The following UST variants were observed in gnomAD, a reference collection of about 807,000 sequenced individuals.
The protein encoded by UST is chondroitin sulfate 2-O-sulfotransferase.
In UST, 21 loss-of-function variants were observed where a neutral mutation model predicts 45.6. The ratio of observed to expected loss-of-function variants is 0.46; its 90% CI spans 0.33 to 0.66. The LOEUF (loss-of-function observed/expected upper bound fraction) is 0.66, where lower values mean the gene tolerates loss of function less well. Among genes scored for constraint, UST ranks in the 30% least tolerant of loss-of-function variants. The pLI is 0.02. For missense variants in UST, 463 were observed against 512.4 expected (o/e 0.90, Z 0.93); for synonymous variants, 215 against 200.6 (o/e 1.07, Z -0.61).
chr6:148,760,849 T>A (rs954250605), intron 1 of UST, among the ~76,000 whole-genome samples: 1 of 151,636 alleles, frequency 6.6e-6, no homozygotes, highest in Non-Finnish European at 1.5e-5. Flanking sequence ...ATGGGCAGAG[T>A]ACAGGAGCAG....
At chr6:148,763,192 C>A (rs1776253216) in intron 1 of UST, among the ~76,000 whole-genome samples, 1 of 152,210 alleles carries the variant, frequency 6.6e-6, no homozygotes, top group Non-Finnish European at 1.5e-5. Context: ...TAATACTAGT[C>A]ATTCTGACTG....
intron 2 of UST, among the ~76,000 whole-genome samples, chr6:148,940,075 A>C (rs1337710537): frequency 6.6e-6 from 1 of 152,218 alleles, no homozygotes; most frequent in Non-Finnish European, 1.5e-5. Flanking sequence ...AAAATATACA[A>C]ATGGCCAATA....
chr6:148,816,504 C>T (rs1241061600), intron 1 of UST, among the ~76,000 whole-genome samples: 1 of 152,132 alleles, frequency 6.6e-6, no homozygotes, highest in Non-Finnish European at 1.5e-5. Context: ...TCTACAAAGC[C>T]TAATGTGTAA....
rs1156828895 is a variant in UST, at chr6:148,941,443, A to T, written c.447+9A>T. Reference sequence around the variant, plus strand: ...TTACTAAAAATGAACAAGTAAGTTGACTTTGCACATTGTTAAATTGTGTTT... The same window carrying T: ...TTACTAAAAATGAACAAGTAAGTTGTCTTTGCACATTGTTAAATTGTGTTT... On this transcript the variant is annotated intron_variant, in intron 3 of 7. Transcript: ENST00000367463. The T allele has an allele frequency of 6.3e-7, 1 of 1,586,200 alleles. No individual in the cohort carries two copies.
chr6:149,017,799 T>TATATATATATATATATATACAC (rs956279478), intron 5 of UST, among the ~76,000 whole-genome samples: 1 of 148,810 alleles, frequency 6.7e-6, no homozygotes, highest in African/African-American at 2.5e-5. Context: ...TATCCATATA[T>TATATATATATATATATATACAC]ACACACACAC....
chr6:148,775,182 TA>T (rs1175340245), intron 1 of UST, among the ~76,000 whole-genome samples: 3 of 152,164 alleles, frequency 2.0e-5, no homozygotes, highest in Non-Finnish European at 4.4e-5. Context: ...CTGAGGTAAC[TA>T]GTATTCTTGG....
At chr6:149,016,157 C>T (rs1283528786) in intron 5 of UST, among the ~76,000 whole-genome samples, 1 of 152,202 alleles carries the variant, frequency 6.6e-6, no homozygotes. Context: ...GTTCATCAAC[C>T]TAATGGGCTC....
At chr6:149,026,768 C>T (rs535271400) in intron 7 of UST, among the ~76,000 whole-genome samples, 1 of 152,324 alleles carries the variant, frequency 6.6e-6, no homozygotes, top group East Asian at 1.9e-4. Context: ...TGTGTCCAAT[C>T]CTTTTACTTT....
intron 2 of UST, among the ~76,000 whole-genome samples, chr6:148,901,913 A>T (rs12201978): frequency 6.6e-6 from 1 of 152,074 alleles, no homozygotes; most frequent in Non-Finnish European, 1.5e-5. Flanking sequence ...GCAAGGCCCC[A>T]CTTAACTGAC....
chr6:149,012,892 T>G (rs1456390189), intron 5 of UST, among the ~76,000 whole-genome samples: 4 of 151,740 alleles, frequency 2.6e-5, no homozygotes, highest in African/African-American at 9.7e-5. Context: ...ATGCTGAAGG[T>G]ATAATAAAGA....
At chr6:148,972,086 G>A (rs777850610) in intron 5 of UST, among the ~76,000 whole-genome samples, 6 of 152,268 alleles carry the variant, frequency 3.9e-5, no homozygotes, top group Middle Eastern at 6.8e-3. Flanking sequence ...GTTGCTTGCC[G>A]CCTAGTTAGC....
intron 5 of UST, among the ~76,000 whole-genome samples, chr6:148,998,067 T>C (rs1781484820): frequency 6.6e-6 from 1 of 152,204 alleles, no homozygotes; most frequent in South Asian, 2.1e-4. Flanking sequence ...GAAAACGAAA[T>C]TCTGAACCTC....
rs564750207 is a variant in UST at position 149,008,979 on chromosome 6, C to T, written c.682-10160C>T. ...TGAATGGACAAGAAAACATCCATAG[C>T]TATTTGAAGAAAGACTGCACCTTAA... On this transcript the variant is annotated intron_variant, in intron 5 of 7. Coordinates refer to ENST00000367463, the MANE Select transcript of UST (RefSeq NM_005715.3). 1.6e-4 allele frequency among the ~76,000 whole-genome samples: 24 copies of T among 152,264 alleles called. No individual in the cohort carries two copies. In the East Asian group the frequency reaches 3.9e-3, roughly 24 times the overall value.
Position 149,074,239 on chromosome 6 carries a change from C to T in UST, c.*123C>T. 1 of 1,108,604 alleles carries T rather than the reference C, an allele frequency of 9.0e-7. No homozygotes were observed. The highest frequency in any genetic ancestry group is 1.3e-6 in the Non-Finnish European group (1 of 780,372). The allele number at this position is 1,108,604 out of a possible 1,614,324, so 68.7% of individuals were successfully genotyped here. ...CATTAAAAAGAACAAAACATTCCCA[C>T]ATGTTGGGGTCATTGGGAGATGCCC... On this transcript the variant is annotated 3_prime_UTR_variant, in exon 8 of 8. Coordinates refer to ENST00000367463, the MANE Select transcript of UST (RefSeq NM_005715.3).
chr6:149,073,385 T>G (rs1179696392), intron 7 of UST, among the ~76,000 whole-genome samples: 1 of 152,262 alleles, frequency 6.6e-6, no homozygotes, highest in Non-Finnish European at 1.5e-5. Context: ...GAAATGGATT[T>G]TGTATCAAAT....
intron 2 of UST, among the ~76,000 whole-genome samples, chr6:148,927,297 T>A (rs768903836): frequency 4.6e-5 from 7 of 152,160 alleles, no homozygotes; most frequent in Non-Finnish European, 8.8e-5. Context: ...GCTAGTGAGT[T>A]CATCAGGTTA....
chr6:148,899,896 A>AC (rs1030631151), intron 2 of UST, among the ~76,000 whole-genome samples: 1 of 150,056 alleles, frequency 6.7e-6, no homozygotes, highest in Non-Finnish European at 1.5e-5. Flanking sequence ...CCCACCTCCC[A>AC]CCCCCCATCA....
intron 1 of UST, among the ~76,000 whole-genome samples, chr6:148,795,767 A>G (rs1440036712): frequency 1.3e-5 from 2 of 152,072 alleles, no homozygotes; most frequent in Non-Finnish European, 2.9e-5. Context: ...CACAGACTTG[A>G]TTTGTATACC....
At chr6:148,836,342 G>A (rs1158142702) in intron 1 of UST, among the ~76,000 whole-genome samples, 1 of 152,054 alleles carries the variant, frequency 6.6e-6, no homozygotes, top group Non-Finnish European at 1.5e-5. Flanking sequence ...CTTATGTCTG[G>A]CTCACATTTG....
Sources: allele counts gnomAD v4.1 joint callset (sites outside exome capture counted in the v4.1 genomes callset), GRCh38; gene constraint gnomAD v4.1.1; transcripts MANE v1.5; gene names NCBI Gene and HGNC (gene_info 2026-07-23, HGNC 2026-07-21).